KLHL3: variants seen among roughly 807,000 people sequenced by gnomAD.
The protein encoded by KLHL3 is kelch-like protein 3.
Under a neutral mutation model 70.5 loss-of-function variants are expected in KLHL3, and 19 were observed. That is an observed-to-expected ratio of 0.27 (90% CI 0.19 to 0.40). KLHL3 has a LOEUF of 0.40. Among genes scored for constraint, KLHL3 ranks in the 10% least tolerant of loss-of-function variants. The probability of loss-of-function intolerance (pLI) is 1.00; values close to 1 mark genes in which losing one functional copy is unlikely to be tolerated. For missense variants in KLHL3, 512 were observed against 771.1 expected (o/e 0.66, Z 3.98); for synonymous variants, 258 against 290.3 (o/e 0.89, Z 1.13).
At chr5:137,666,389 G>A (rs765403405) in intron 6 of KLHL3, among the ~76,000 whole-genome samples, 3 of 152,152 alleles carry the variant, frequency 2.0e-5, no homozygotes, top group East Asian at 1.9e-4. Flanking sequence ...TATAGACTGT[G>A]AGCCTATGCA....
Position 137,628,288 on chromosome 5 carries a change from A to C in KLHL3, c.1591+9T>G. On this transcript the variant is annotated intron_variant, in intron 13 of 14. Transcript: ENST00000309755. Reference sequence around the variant, plus strand: ...CCCCCAAAGGGGAGATGGAGAGAGCAGTCATTACCTGCGTTGCGCCGGCAC... The same window carrying C: ...CCCCCAAAGGGGAGATGGAGAGAGCCGTCATTACCTGCGTTGCGCCGGCAC... The C allele has an allele frequency of 1.2e-6, 2 of 1,614,096 alleles. No individual in the cohort carries two copies. Among genetic ancestry groups the C allele is most frequent in the Non-Finnish European group, 1.7e-6 (2 of 1,179,948 alleles).
chr5:137,731,674 C>T (rs1368122263), intron 1 of KLHL3, among the ~76,000 whole-genome samples: 3 of 152,062 alleles, frequency 2.0e-5, no homozygotes, highest in Non-Finnish European at 2.9e-5. Context: ...GCATAGTGCC[C>T]GGTACATGGT....
rs1364004521 is a variant in KLHL3 at position 137,661,903 on chromosome 5, TACAAC to T, written c.753+7_753+11del. ...GAACACAGAAGTGCTTGGCTCTTCA[TACAAC>T]ACTCACTTGGACTAGGTAGTCCCTA... On this transcript the variant is annotated splice_region_variant and intron_variant, in intron 7 of 14. Transcript: ENST00000309755. 3 of 1,449,190 alleles carry T rather than the reference TACAAC, an allele frequency of 2.1e-6. No homozygotes were observed. The highest frequency in any genetic ancestry group is 1.4e-5 in the African/African-American group (1 of 71,554). The allele number at this position is 1,449,190 out of a possible 1,614,324, so 89.8% of individuals were successfully genotyped here.
At position 137,639,450 on chromosome 5, in the gene KLHL3, C is replaced by G. The variant is rs1366056257; in HGVS notation, c.1022-300G>C. Among the ~76,000 whole-genome samples the G allele has an allele frequency of 1.3e-5, 2 of 152,052 alleles. No homozygotes were observed. Among genetic ancestry groups the G allele is most frequent in the Admixed American group, 6.5e-5 (1 of 15,270 alleles). On this transcript the variant is annotated intron_variant, in intron 9 of 14. Coordinates refer to ENST00000309755, the MANE Select transcript of KLHL3 (RefSeq NM_017415.3). The surrounding 1 kb of genome is among the most constrained non-coding windows in gnomAD (Gnocchi z 5.0). Reference sequence around the variant, plus strand: ...TAGCTCACGCCTGTAATTCCAGTACCTTGGGAAGCCAAGGCAGGTGGATCA... The same window carrying G: ...TAGCTCACGCCTGTAATTCCAGTACGTTGGGAAGCCAAGGCAGGTGGATCA...
rs1003302 is a variant in KLHL3 at position 137,627,785 on chromosome 5, A to C, written c.1591+512T>G. On this transcript the variant is annotated intron_variant, in intron 13 of 14. Coordinates refer to ENST00000309755, the MANE Select transcript of KLHL3 (RefSeq NM_017415.3). ...AGGCATAGGAGACAAGAAGGAAAGC[A>C]AAGACAGGAATACAAAGAAAGCAAT... Among the ~76,000 whole-genome samples the C allele has an allele frequency of 6.0e-3, 914 of 152,316 alleles. 9 individuals carry two copies. Among genetic ancestry groups the C allele is most frequent in the African/African-American group, 0.021 (860 of 41,574 alleles).
intron 1 of KLHL3, among the ~76,000 whole-genome samples, chr5:137,734,970 G>A (rs1365464002): frequency 6.6e-6 from 1 of 152,152 alleles, no homozygotes. Context: ...CTTTTCTGCT[G>A]GTTCCTATTT....
intron 6 of KLHL3, among the ~76,000 whole-genome samples, chr5:137,666,414 C>T (rs1051951245): frequency 6.6e-5 from 10 of 152,166 alleles, no homozygotes; most frequent in Non-Finnish European, 1.5e-5. Context: ...GAGAAGTGTA[C>T]CAGCTCTGTC....
At chr5:137,715,387 AT>A (rs1344822883) in intron 2 of KLHL3, among the ~76,000 whole-genome samples, 1 of 152,196 alleles carries the variant, frequency 6.6e-6, no homozygotes, top group African/African-American at 2.4e-5. Context: ...GGATGGCAAG[AT>A]GCTTTAGCCC....
intron 3 of KLHL3, among the ~76,000 whole-genome samples, chr5:137,704,567 C>T (rs1400639861): frequency 6.6e-6 from 1 of 152,194 alleles, no homozygotes; most frequent in South Asian, 2.1e-4. Context: ...ATATTCCTTA[C>T]CAATAGTTTA....
chr5:137,643,803 C>T (rs1388764343), intron 8 of KLHL3, among the ~76,000 whole-genome samples: 3 of 152,016 alleles, frequency 2.0e-5, no homozygotes, highest in African/African-American at 7.3e-5. Context: ...CTATAGTCAC[C>T]CTACTGTGTA....
chr5:137,639,929 C>G lies in KLHL3; in HGVS notation c.952G>C (p.Glu318Gln), dbSNP rs1410760581. The G allele has an allele frequency of 6.2e-7, 1 of 1,614,176 alleles. No homozygotes were observed. The change falls in exon 9 of 15, where the codon GAG (glutamate) becomes CAG (glutamine). Residue 318 changes from glutamate to glutamine, a missense_variant. Physicochemically the swap from Glu to Gln is conservative, Grantham distance 29. Coordinates refer to ENST00000309755, the MANE Select transcript of KLHL3 (RefSeq NM_017415.3). This position sits in a 1 kb window ranked among gnomAD's most constrained non-coding sequence, Gnocchi z 5.0. Reference protein sequence around the residue: ...GQAPKAIRSVECYDFEEDRWD... With the variant: ...GQAPKAIRSVQCYDFEEDRWD... ...CGGTCCTCCTCGAAATCATAGCACT[C>G]CACACTGCGGATTGCCTTGGGTGCC...
intron 1 of KLHL3, chr5:137,724,967 C>A (rs1197465529): frequency 1.3e-6 from 1 of 778,802 alleles, no homozygotes; most frequent in South Asian, 5.9e-5. Context: ...TAAATGCACA[C>A]ACATATACAT....
intron 6 of KLHL3, chr5:137,672,048 G>T (rs1751773757): frequency 6.6e-6 from 1 of 152,188 alleles, no homozygotes; most frequent in Non-Finnish European, 1.5e-5. Context: ...TCTGTGCATG[G>T]GTAGTTATTG....
At chr5:137,677,690 A>T in intron 5 of KLHL3, 36 bp from the exon 6 acceptor site, 6 of 1,372,592 alleles carry the variant, frequency 4.4e-6, no homozygotes, top group Non-Finnish European at 6.0e-6. Flanking sequence ...TTAAGAAAAC[A>T]AAGTTGTAAC....
intron 1 of KLHL3, among the ~76,000 whole-genome samples, chr5:137,722,243 C>T (rs1753010229): frequency 6.6e-6 from 1 of 152,210 alleles, no homozygotes; most frequent in South Asian, 2.1e-4. Flanking sequence ...ACTATTGGAA[C>T]ATTCAAATAC....
chr5:137,668,231 G>A (rs768925055), intron 6 of KLHL3, among the ~76,000 whole-genome samples: 5 of 152,142 alleles, frequency 3.3e-5, no homozygotes, highest in South Asian at 2.1e-4. Flanking sequence ...CCAACACAGC[G>A]AAACTCCATC....
Position 137,628,305 on chromosome 5 carries a change from C to A in KLHL3, c.1583G>T (p.Arg528Leu). ...GAGAGAGCAGTCATTACCTGCGTTG[C>A]GCCGGCACATGTTCATGTCTGCCAC... is the stretch of plus-strand genomic sequence containing the variant. ...KQVADMNMCRRNAGVCAVNGL... is the reference protein window; with the variant it reads ...KQVADMNMCRLNAGVCAVNGL... Residue 528 changes from arginine to leucine, a missense_variant, in exon 13 of 15, where the codon CGC becomes CTC. Arg to Leu is a moderately radical substitution (Grantham distance 102, BLOSUM62 -2). Coordinates refer to ENST00000309755, the MANE Select transcript of KLHL3 (RefSeq NM_017415.3). 6.2e-7 allele frequency: 1 copy of A among 1,614,138 alleles called. No individual in the cohort carries two copies.
chr5:137,673,357 C>T (rs1204808293), intron 6 of KLHL3, among the ~76,000 whole-genome samples: 3 of 152,124 alleles, frequency 2.0e-5, no homozygotes, highest in Admixed American at 1.3e-4. Context: ...TCGCTGCCTC[C>T]GGGCCTCTTC....
At chr5:137,680,261 G>A (rs1320898157) in intron 5 of KLHL3, among the ~76,000 whole-genome samples, 1 of 152,156 alleles carries the variant, frequency 6.6e-6, no homozygotes, top group Admixed American at 6.5e-5. Context: ...TGTATTAATG[G>A]AGAATGTAGT....
Sources: allele counts gnomAD v4.1 joint callset (sites outside exome capture counted in the v4.1 genomes callset), GRCh38; gene constraint gnomAD v4.1.1; non-coding constraint Gnocchi (gnomAD v3.1); transcripts MANE v1.5; gene names NCBI Gene and HGNC (gene_info 2026-07-23, HGNC 2026-07-21).